The following DCC variants were observed in gnomAD, a reference collection of about 807,000 sequenced individuals.
DCC encodes netrin receptor DCC.
In DCC, 58 loss-of-function variants were observed where a neutral mutation model predicts 172.5. The ratio of observed to expected loss-of-function variants is 0.34; its 90% CI spans 0.27 to 0.42. The LOEUF (loss-of-function observed/expected upper bound fraction) is 0.42, where lower values mean the gene tolerates loss of function less well. Among genes scored for constraint, DCC ranks in the 10% least tolerant of loss-of-function variants. The pLI, the probability that DCC is intolerant of heterozygous loss-of-function variation, is 1.00. For synonymous variants in DCC, 709 were observed against 644.5 expected (o/e 1.10, Z -1.52); for missense variants, 1,740 against 1,791.0 (o/e 0.97, Z 0.51).
intron 14 of DCC, among the ~76,000 whole-genome samples, chr18:53,324,373 T>C (rs2057444083): frequency 6.6e-6 from 1 of 152,166 alleles, no homozygotes. Flanking sequence ...TTACCTTAGG[T>C]ACTAGAGATA....
chr18:52,684,695 A>C (rs2035801388), intron 1 of DCC, among the ~76,000 whole-genome samples: 1 of 152,110 alleles, frequency 6.6e-6, no homozygotes, highest in Non-Finnish European at 1.5e-5. Flanking sequence ...GGCATGAAGC[A>C]AGATAAGCTG....
At chr18:52,483,045 T>C (rs2030033946) in intron 1 of DCC, among the ~76,000 whole-genome samples, 1 of 152,096 alleles carries the variant, frequency 6.6e-6, no homozygotes, top group Non-Finnish European at 1.5e-5. Context: ...CTTTGCCTCT[T>C]CCAGCTTTTG....
chr18:53,432,843 T>A lies in DCC; in HGVS notation c.3164-2301T>A, dbSNP rs553948789. 2.1e-3 allele frequency among the ~76,000 whole-genome samples: 326 copies of A among 152,132 alleles called. 3 individuals carry two copies. Among genetic ancestry groups the A allele is most frequent in the African/African-American group, 7.5e-3 (312 of 41,548 alleles). On this transcript the variant is annotated intron_variant, in intron 21 of 28. Transcript: ENST00000442544. Reference sequence around the variant, plus strand: ...ATGGAAACTTAACATCACTCAAAATTAAAATTAAAATTAAAATCTGATGCC... The same window carrying A: ...ATGGAAACTTAACATCACTCAAAATAAAAATTAAAATTAAAATCTGATGCC...
At chr18:53,120,566 C>A (rs73957095) in intron 7 of DCC, among the ~76,000 whole-genome samples, 2 of 151,320 alleles carry the variant, frequency 1.3e-5, no homozygotes, top group African/African-American at 4.8e-5. Context: ...TTTGAATTTA[C>A]AAAAAAATCA....
chr18:52,428,866 A>G lies in DCC; in HGVS notation c.91+87988A>G, dbSNP rs374287981. On this transcript the variant is annotated intron_variant, in intron 1 of 28. Coordinates refer to ENST00000442544, the MANE Select transcript of DCC (RefSeq NM_005215.4). ...GTGAAATGCAAAGCATATAATTAAC[A>G]CTGTGGCTAGTAAAGCTATTAATAT... Among the ~76,000 whole-genome samples, 23 of 152,236 alleles carry G rather than the reference A, an allele frequency of 1.5e-4. No homozygotes were observed. The South Asian group carries it at 4.8e-3, about 31-fold the overall frequency.
chr18:53,035,152 A>ACCACAC (rs1331382580), intron 5 of DCC, among the ~76,000 whole-genome samples: 1 of 125,968 alleles, frequency 7.9e-6, no homozygotes, highest in South Asian at 2.5e-4. Context: ...ATCACCTCAA[A>ACCACAC]CATTTATCTG....
chr18:53,327,241 G>A (rs2057477336), intron 14 of DCC, among the ~76,000 whole-genome samples: 1 of 152,090 alleles, frequency 6.6e-6, no homozygotes. Flanking sequence ...TCCCTGGAAA[G>A]CACGTTGCTA....
At chr18:53,395,263 T>G (rs1433909202) in intron 17 of DCC, among the ~76,000 whole-genome samples, 1 of 152,160 alleles carries the variant, frequency 6.6e-6, no homozygotes, top group Non-Finnish European at 1.5e-5. Context: ...TAAGATAAGC[T>G]GTAGCTTTCT....
At chr18:53,260,740 G>A (rs559429489) in intron 12 of DCC, among the ~76,000 whole-genome samples, 1 of 152,216 alleles carries the variant, frequency 6.6e-6, no homozygotes, top group Non-Finnish European at 1.5e-5. Flanking sequence ...TGTCAGACAG[G>A]GACATTTAAG....
chr18:53,249,275 G>A (rs1007595371), intron 12 of DCC, among the ~76,000 whole-genome samples: 1 of 151,818 alleles, frequency 6.6e-6, no homozygotes, highest in African/African-American at 2.4e-5. Context: ...AAATATTATA[G>A]CTATCTTCTA....
chr18:53,409,779 T>G (rs1472738739), intron 19 of DCC, among the ~76,000 whole-genome samples: 1 of 152,168 alleles, frequency 6.6e-6, no homozygotes, highest in African/African-American at 2.4e-5. Flanking sequence ...AACTAGATCA[T>G]GTACAGTTAT....
intron 5 of DCC, among the ~76,000 whole-genome samples, chr18:53,048,817 T>C (rs573406126): frequency 4.0e-4 from 60 of 151,880 alleles, no homozygotes; most frequent in African/African-American, 1.3e-3. Context: ...ATAAGGATTT[T>C]CTTCTCTCCA....
intron 8 of DCC, among the ~76,000 whole-genome samples, chr18:53,162,298 C>CAAAAAAAAAAAAAAAAAAAAAAA (rs59626358): frequency 8.7e-6 from 1 of 114,780 alleles, no homozygotes; most frequent in African/African-American, 3.2e-5. Flanking sequence ...GACTCTGCCT[C>CAAAAAAAAAAAAAAAAAAAAAAA]AAAAAAAAAA....
At chr18:52,926,882 T>C (rs1335523940) in intron 5 of DCC, among the ~76,000 whole-genome samples, 3 of 144,186 alleles carry the variant, frequency 2.1e-5, no homozygotes, top group African/African-American at 5.1e-5. Context: ...TATACATATA[T>C]ACACACACAT....
intron 1 of DCC, among the ~76,000 whole-genome samples, chr18:52,379,289 A>G (rs988630665): frequency 2.6e-5 from 4 of 151,818 alleles, no homozygotes; most frequent in Admixed American, 2.6e-4. Flanking sequence ...CCCATTGCTT[A>G]GTGAGAAATC....
intron 7 of DCC, among the ~76,000 whole-genome samples, chr18:53,075,266 A>G (rs2042708763): frequency 6.6e-6 from 1 of 152,220 alleles, no homozygotes; most frequent in South Asian, 2.1e-4. Context: ...TGACTTGCTC[A>G]TGCCAGTTTT....
chr18:53,283,307 A>G (rs889316097), intron 12 of DCC, among the ~76,000 whole-genome samples: 1 of 152,170 alleles, frequency 6.6e-6, no homozygotes, highest in Non-Finnish European at 1.5e-5. Flanking sequence ...CTGTTTGGCT[A>G]TAAACAAGTG....
chr18:52,563,199 A>C (rs1203515077), intron 1 of DCC, among the ~76,000 whole-genome samples: 1 of 152,168 alleles, frequency 6.6e-6, no homozygotes, highest in Non-Finnish European at 1.5e-5. Flanking sequence ...CTATCTGGAT[A>C]ATCAAAGCTA....
intron 1 of DCC, among the ~76,000 whole-genome samples, chr18:52,364,719 G>T (rs989771830): frequency 2.0e-4 from 30 of 152,256 alleles, no homozygotes; most frequent in African/African-American, 7.2e-4. Context: ...CTCACCTGTT[G>T]CTTACTCATT....
Sources: allele counts gnomAD v4.1 joint callset (sites outside exome capture counted in the v4.1 genomes callset), GRCh38; gene constraint gnomAD v4.1.1; transcripts MANE v1.5; gene names NCBI Gene and HGNC (gene_info 2026-07-23, HGNC 2026-07-21).